SLAMF6: variants seen among roughly 807,000 people sequenced by gnomAD.
SLAMF6 encodes the protein SLAM family member 6, also known as NK-T-B-antigen.
A neutral mutation model predicts 38.3 loss-of-function variants in SLAMF6; 21 were observed. That is an observed-to-expected ratio of 0.55 (90% CI 0.39 to 0.79). SLAMF6 has a LOEUF of 0.79. Among genes scored for constraint, SLAMF6 ranks in the 30% least tolerant of loss-of-function variants. The pLI is 0.00. For missense variants in SLAMF6, 341 were observed against 385.3 expected, an observed-to-expected ratio of 0.89 and a Z score of 0.96; for synonymous variants, 152 against 146.3, an observed-to-expected ratio of 1.04 and a Z score of -0.28.
chr1:160,516,401 T>A (rs12025909), intron 1 of SLAMF6, among the ~76,000 whole-genome samples: 7,136 of 152,210 alleles, frequency 0.047, 355 homozygotes, highest in African/African-American at 0.12. Flanking sequence ...ATAGGAAGAA[T>A]CAACATCATG....
intron 7 of SLAMF6, 129 bp downstream of exon 7, chr1:160,486,975 G>C (rs914232883): frequency 2.1e-6 from 2 of 972,746 alleles, no homozygotes; most frequent in Admixed American, 2.5e-5. Flanking sequence ...GTGATGTCCT[G>C]AGACTTTCCG....
chr1:160,490,741 C>T (rs1404245566), intron 3 of SLAMF6, 56 bp from the exon 4 acceptor site: 4 of 1,589,478 alleles, frequency 2.5e-6, no homozygotes, highest in Non-Finnish European at 3.4e-6. Context: ...GCCCACTGTT[C>T]TTGGAGCCTC....
rs137956453 is a variant in SLAMF6, at chr1:160,485,505, T to C, written c.*1202A>G. The C allele has an allele frequency of 1.3e-5, 2 of 152,302 alleles. No homozygotes were observed. Among genetic ancestry groups the C allele is most frequent in the African/African-American group, 2.4e-5 (1 of 41,548 alleles). The allele number at this position is 152,302 out of a possible 1,614,324, so 9.4% of individuals were successfully genotyped here. The stretch of plus-strand genomic sequence containing the variant: ...TTAACATAAAGAACTTTTCCTTTAA[T>C]AGAGGAGCTGAAAGAAGATCAGGGA... On this transcript the variant is annotated 3_prime_UTR_variant, in exon 8 of 8. Transcript: ENST00000368057.
At chr1:160,490,511 A>T in intron 4 of SLAMF6, 64 bp downstream of exon 4, 1 of 1,576,180 alleles carries the variant, frequency 6.3e-7, no homozygotes. Flanking sequence ...TGGGAATCAG[A>T]GGCCCCAAAC....
rs1006173472 is a variant in SLAMF6, at chr1:160,490,102, C to T, written c.796+96G>A. On this transcript the variant is annotated intron_variant, in intron 5 of 7. Coordinates refer to ENST00000368057, the MANE Select transcript of SLAMF6 (RefSeq NM_001184714.2). ...TGAGTAATGACATTCTGACTCCTTC[C>T]TCTGTCATTATCCAGCCCTCTGCCA... The T allele has an allele frequency of 6.4e-5, 87 of 1,365,164 alleles. No individual in the cohort carries two copies. The South Asian group carries it at 9.1e-4, about 14-fold the overall frequency. 84.6% of individuals were successfully genotyped at this position (1,365,164 alleles called of 1,614,324 possible). A position where few individuals can be genotyped will look rare whatever the true frequency, so the allele number is the denominator to read the frequency against.
intron 2 of SLAMF6, among the ~76,000 whole-genome samples, chr1:160,491,767 TC>T (rs1329067150): frequency 1.2e-4 from 19 of 152,136 alleles, no homozygotes; most frequent in African/African-American, 4.6e-4. Context: ...AGCCAAGAAC[TC>T]TGAGGGCAAC....
intron 1 of SLAMF6, among the ~76,000 whole-genome samples, chr1:160,499,803 CCTCT>C (rs1021470182): frequency 1.3e-5 from 2 of 152,132 alleles, no homozygotes; most frequent in African/African-American, 4.8e-5. Context: ...GCTTGCACTT[CCTCT>C]CTCTTTCATG....
intron 1 of SLAMF6, among the ~76,000 whole-genome samples, chr1:160,511,931 A>C (rs1654492786): frequency 6.6e-6 from 1 of 152,152 alleles, no homozygotes. Flanking sequence ...CCCCCAGCCA[A>C]GGGAAGTGGT....
In SLAMF6 at chr1:160,491,101, C is replaced by G. The variant is rs1450735628; in HGVS notation, c.646+24G>C. On this transcript the variant is annotated intron_variant, in intron 3 of 7. Coordinates refer to ENST00000368057, the MANE Select transcript of SLAMF6 (RefSeq NM_001184714.2). ...TTAAACCCCATAGCTGCTCAAGGCT[C>G]TCAGACCTGAGGCAGGCTGTTACCT... 4.3e-6 allele frequency: 7 copies of G among 1,612,136 alleles called. No homozygotes were observed. The South Asian group carries it at 6.6e-5, about 15-fold the overall frequency.
intron 1 of SLAMF6, among the ~76,000 whole-genome samples, chr1:160,517,088 A>G (rs760354364): frequency 6.6e-6 from 1 of 152,244 alleles, no homozygotes; most frequent in South Asian, 2.1e-4. Context: ...ACAGAGTGGG[A>G]GAAAATTTTT....
intron 7 of SLAMF6, 47 bp downstream of exon 7, chr1:160,487,057 G>T: frequency 2.0e-6 from 3 of 1,471,608 alleles, no homozygotes; most frequent in Non-Finnish European, 2.8e-6. Context: ...TCATAGGTCT[G>T]TGGAGAGAGG....
chr1:160,490,779 G>T, intron 3 of SLAMF6, 94 bp from the exon 4 acceptor site: 2 of 1,513,778 alleles, frequency 1.3e-6, no homozygotes, highest in Non-Finnish European at 1.8e-6. Context: ...GCCATCTTTG[G>T]GGACTAGGTA....
In SLAMF6 at chr1:160,485,635, C is replaced by T. The variant is rs528427886; in HGVS notation, c.*1072G>A. On this transcript the variant is annotated 3_prime_UTR_variant, in exon 8 of 8. Coordinates refer to ENST00000368057, the MANE Select transcript of SLAMF6 (RefSeq NM_001184714.2). ...ATTTCTTTCTGAGTGCATTGGGAAACCTGCAGGGTTTTAAGCAGGAAACTG... is the reference window on the plus strand; with the variant it reads ...ATTTCTTTCTGAGTGCATTGGGAAATCTGCAGGGTTTTAAGCAGGAAACTG... The T allele has an allele frequency of 6.6e-6, 1 of 152,322 alleles. No individual in the cohort carries two copies. Among genetic ancestry groups the T allele is most frequent in the African/African-American group, 2.4e-5 (1 of 41,520 alleles). 9.4% of individuals were successfully genotyped at this position (152,322 alleles called of 1,614,324 possible).
intron 1 of SLAMF6, among the ~76,000 whole-genome samples, chr1:160,506,882 A>G (rs1654215739): frequency 6.6e-6 from 1 of 152,166 alleles, no homozygotes. Context: ...GAGGATAACA[A>G]TACAATAACT....
intron 1 of SLAMF6, among the ~76,000 whole-genome samples, chr1:160,520,763 A>T (rs1314562661): frequency 6.6e-6 from 1 of 152,160 alleles, no homozygotes; most frequent in Non-Finnish European, 1.5e-5. Flanking sequence ...CACTTCAAAG[A>T]ATGTAGGCTG....
intron 1 of SLAMF6, among the ~76,000 whole-genome samples, chr1:160,498,485 A>G (rs1169654828): frequency 6.6e-6 from 1 of 152,200 alleles, no homozygotes; most frequent in East Asian, 1.9e-4. Context: ...GTCACGTCTT[A>G]CATGGTGGCA....
intron 1 of SLAMF6, among the ~76,000 whole-genome samples, chr1:160,504,310 T>A (rs962516527): frequency 6.6e-6 from 1 of 152,208 alleles, no homozygotes; most frequent in African/African-American, 2.4e-5. Context: ...TGCAAGATAA[T>A]GAATATGTTA....
intron 1 of SLAMF6, among the ~76,000 whole-genome samples, chr1:160,513,626 C>T (rs2102062017): frequency 6.6e-6 from 1 of 152,242 alleles, no homozygotes; most frequent in Non-Finnish European, 1.5e-5. Context: ...GGCCAAGTCA[C>T]CTACAAAGGG....
chr1:160,490,702 G>T lies in SLAMF6; in HGVS notation c.647-17C>A, dbSNP rs753157175. The stretch of plus-strand genomic sequence containing the variant: ...TTTTAACATCTGAAAAGAGAAAAAA[G>T]AAATGACATTTGAGACACATCAAGT... On this transcript the variant is annotated splice_polypyrimidine_tract_variant and intron_variant, in intron 3 of 7. Transcript: ENST00000368057. 6.2e-7 allele frequency: 1 copy of T among 1,610,600 alleles called. No homozygotes were observed. Among genetic ancestry groups the T allele is most frequent in the Non-Finnish European group, 8.5e-7 (1 of 1,178,936 alleles).
Sources: allele counts gnomAD v4.1 joint callset (sites outside exome capture counted in the v4.1 genomes callset), GRCh38; gene constraint gnomAD v4.1.1; transcripts MANE v1.5; gene names NCBI Gene and HGNC (gene_info 2026-07-23, HGNC 2026-07-21).